The following DMXL2 variants were observed in gnomAD, a reference collection of about 807,000 sequenced individuals.
DMXL2 encodes Dmx like 2.
DMXL2 carries 103 observed loss-of-function variants against 331.1 expected under a neutral mutation model. The ratio of observed to expected loss-of-function variants is 0.31; its 90% CI spans 0.27 to 0.37. DMXL2 has a LOEUF of 0.37. Among genes scored for constraint, DMXL2 ranks in the 10% least tolerant of loss-of-function variants. The pLI, the probability that DMXL2 is intolerant of heterozygous loss-of-function variation, is 1.00. For synonymous variants in DMXL2, 1,281 were observed against 1,252.1 expected (o/e 1.02, Z -0.49); for missense variants, 3,171 against 3,642.9 (o/e 0.87, Z 3.33).
chr15:51,450,438 T>C (rs1375504228), intron 42 of DMXL2, 92 bp from the exon 43 acceptor site: 1 of 1,172,668 alleles, frequency 8.5e-7, no homozygotes, highest in East Asian at 2.4e-5. Context: ...CAGACCTTAC[T>C]GATGCATTTT....
At chr15:51,594,376 A>G (rs1015731194) in intron 1 of DMXL2, among the ~76,000 whole-genome samples, 1 of 152,226 alleles carries the variant, frequency 6.6e-6, no homozygotes, top group Non-Finnish European at 1.5e-5. Context: ...AAGAAGTTGA[A>G]TCTCTGAACA....
In DMXL2 at chr15:51,555,215, G is replaced by A. The variant is rs143898336; in HGVS notation, c.568-7807C>T. ...TGGTTTGAACATAGATTGTACAGAA[G>A]TGCAGCAAAAATTGGGAAACCAATT... On this transcript the variant is annotated intron_variant, in intron 6 of 43. Coordinates refer to ENST00000560891, the MANE Select transcript of DMXL2 (RefSeq NM_001378457.1). 2.5e-3 allele frequency among the ~76,000 whole-genome samples: 386 copies of A among 152,260 alleles called. 2 individuals are homozygous for A. The highest frequency in any genetic ancestry group is 0.017 in the Middle Eastern group (5 of 294).
chr15:51,485,034 C>CAAAA (rs35332731), intron 23 of DMXL2, among the ~76,000 whole-genome samples: 1 of 99,780 alleles, frequency 1.0e-5, no homozygotes, highest in Non-Finnish European at 2.0e-5. Flanking sequence ...TCAGGCAAAC[C>CAAAA]AAAAAAAAAA....
chr15:51,529,909 A>T (rs1444234054), intron 13 of DMXL2, among the ~76,000 whole-genome samples: 2 of 152,188 alleles, frequency 1.3e-5, no homozygotes, highest in Non-Finnish European at 2.9e-5. Context: ...TTAAAAGATC[A>T]TTTATCATAA....
At position 51,530,131 on chromosome 15, in the gene DMXL2, A is replaced by G. The variant is rs563576722; in HGVS notation, c.2436+5532T>C. Among the ~76,000 whole-genome samples, 3 of 152,290 alleles carry G rather than the reference A, an allele frequency of 2.0e-5. No homozygotes were observed. In the South Asian group the frequency reaches 6.2e-4, roughly 32 times the overall value. On this transcript the variant is annotated intron_variant, in intron 13 of 43. Coordinates refer to ENST00000560891, the MANE Select transcript of DMXL2 (RefSeq NM_001378457.1). The stretch of plus-strand genomic sequence containing the variant: ...CTTCTATACCCTAGTATCATGCCGA[A>G]TGGGGAAAAACTGAAAGCCTTTCCT...
rs529034613 is a variant in DMXL2, at chr15:51,551,595, C to T, written c.568-4187G>A. On this transcript the variant is annotated intron_variant, in intron 6 of 43. Coordinates refer to ENST00000560891, the MANE Select transcript of DMXL2 (RefSeq NM_001378457.1). ...CTAAGCAAACTCAAGGGCTTTCCAA[C>T]CATTCTCAGGCTTAAAAACAAAATC... 1.7e-3 allele frequency among the ~76,000 whole-genome samples: 260 copies of T among 150,756 alleles called. 2 individuals are homozygous for T. Among genetic ancestry groups the T allele is most frequent in the Non-Finnish European group, 2.9e-3 (195 of 68,008 alleles).
At chr15:51,459,501 G>C (rs1306711104) in intron 34 of DMXL2, 97 bp downstream of exon 34, 4 of 1,017,210 alleles carry the variant, frequency 3.9e-6, no homozygotes, top group African/African-American at 3.3e-5. Context: ...TCTCTGAGTA[G>C]TTAGCCAGTT....
intron 28 of DMXL2, among the ~76,000 whole-genome samples, chr15:51,472,557 A>C (rs1051138142): frequency 2.0e-5 from 3 of 152,074 alleles, no homozygotes. Flanking sequence ...CATGGCAACC[A>C]CAGTCTACTT....
At chr15:51,593,213 G>C (rs2141255715) in intron 1 of DMXL2, among the ~76,000 whole-genome samples, 1 of 152,300 alleles carries the variant, frequency 6.6e-6, no homozygotes, top group South Asian at 2.1e-4. Flanking sequence ...CAAAGGGATG[G>C]AGGAAGATCT....
At position 51,498,747 on chromosome 15, in the gene DMXL2, A is replaced by T; in HGVS notation, c.4477T>A (p.Ser1493Thr). The T allele has an allele frequency of 6.2e-7, 1 of 1,614,068 alleles. No individual in the cohort carries two copies. Among genetic ancestry groups the T allele is most frequent in the South Asian group, 1.1e-5 (1 of 91,084 alleles). ...TATTGAGAAAGATTTATTACTTTTGATTTGTTTTCTCTCTTTTCAGGCTCT... is the reference window on the plus strand; with the variant it reads ...TATTGAGAAAGATTTATTACTTTTGTTTTGTTTTCTCTCTTTTCAGGCTCT... ...DLEPEKRENK[S>T]KVINLSQYGP... The change falls in exon 18 of 44, where the codon TCA becomes ACA. Residue 1493 changes from serine (S) to threonine (T), a missense_variant. This residue lies in a region of DMXL2 where 1,674 missense variants were observed against 1,780.2 expected (regional missense o/e 0.94). Transcript: ENST00000560891.
At chr15:51,615,348 C>T (rs1473757267) in intron 1 of DMXL2, among the ~76,000 whole-genome samples, 2 of 152,182 alleles carry the variant, frequency 1.3e-5, no homozygotes, top group African/African-American at 4.8e-5. Flanking sequence ...GGAGAAACTG[C>T]TAGAATCATG....
rs372064075 is a variant in DMXL2, at chr15:51,622,687, C to A, written c.-142G>T. 72 of 1,410,236 alleles carry A rather than the reference C, an allele frequency of 5.1e-5. No homozygotes were observed. Among genetic ancestry groups the A allele is most frequent in the African/African-American group, 1.8e-4 (12 of 67,550 alleles). The allele number at this position is 1,410,236 out of a possible 1,614,324, so 87.4% of individuals were successfully genotyped here. A position where few individuals can be genotyped will look rare whatever the true frequency, so the allele number is the denominator to read the frequency against. ...AGGCTCTGGCTTAACTCCTCGCCCC[C>A]CTTTCGCCTTCCCTCCGCCTCGTCC... is the stretch of plus-strand genomic sequence containing the variant. On this transcript the variant is annotated 5_prime_UTR_variant, in exon 1 of 44. Coordinates refer to ENST00000560891, the MANE Select transcript of DMXL2 (RefSeq NM_001378457.1).
At chr15:51,508,093 C>T (rs1350177076) in intron 15 of DMXL2, among the ~76,000 whole-genome samples, 2 of 151,966 alleles carry the variant, frequency 1.3e-5, no homozygotes, top group African/African-American at 2.4e-5. Context: ...AGTCTGGCAC[C>T]GCATGTTCTC....
chr15:51,549,722 A>AT, intron 6 of DMXL2, among the ~76,000 whole-genome samples: 1 of 152,000 alleles, frequency 6.6e-6, no homozygotes, highest in Non-Finnish European at 1.5e-5. Flanking sequence ...GACGTTGAGC[A>AT]TTTTTTCATA....
rs756370559 is a variant in DMXL2, at chr15:51,499,971, C to A, written c.3253G>T (p.Ala1085Ser). ...TTATGGTGGATAGGCTGCTTATAAG[C>A]CACTGCAAGGCGACCTGTGTATGAA... ...SCSYTGRLAV[A>S]YKQPIHHNGF... is the part of the protein sequence containing the mutation. Residue 1085 changes from alanine to serine, a missense_variant, in exon 18 of 44, where the codon GCT becomes TCT. By Grantham distance (99) the Ala-to-Ser change is moderately conservative (BLOSUM62 1). Around this residue, in one of 7 missense-constraint regions of DMXL2, gnomAD observed 1,674 missense variants for 1,780.2 expected, o/e 0.94. Coordinates refer to ENST00000560891, the MANE Select transcript of DMXL2 (RefSeq NM_001378457.1). 6.2e-7 allele frequency: 1 copy of A among 1,613,852 alleles called. No individual in the cohort carries two copies. The highest frequency in any genetic ancestry group is 8.5e-7 in the Non-Finnish European group (1 of 1,179,944).
chr15:51,530,745 C>T (rs1248624263), intron 13 of DMXL2, among the ~76,000 whole-genome samples: 1 of 151,970 alleles, frequency 6.6e-6, no homozygotes, highest in Non-Finnish European at 1.5e-5. Context: ...ACAGAGACTC[C>T]GTCTCAAAAA....
intron 6 of DMXL2, among the ~76,000 whole-genome samples, chr15:51,561,159 A>C (rs1300255825): frequency 6.6e-6 from 1 of 152,234 alleles, no homozygotes; most frequent in East Asian, 1.9e-4. Flanking sequence ...ATTAGTGTAA[A>C]AGTATCCATA....
chr15:51,503,935 T>G (rs935391341), intron 16 of DMXL2, among the ~76,000 whole-genome samples: 2 of 152,200 alleles, frequency 1.3e-5, no homozygotes, highest in Non-Finnish European at 2.9e-5. Context: ...TTAAATTTTT[T>G]TTTTTACAAT....
In DMXL2 at chr15:51,494,996, G is replaced by T. The variant is rs766888886; in HGVS notation, c.4783+28C>A. 18 of 1,537,594 alleles carry T rather than the reference G, an allele frequency of 1.2e-5. 1 individual carries two copies. In the South Asian group the frequency reaches 2.0e-4, roughly 17 times the overall value. On this transcript the variant is annotated intron_variant, in intron 19 of 43. Coordinates refer to ENST00000560891, the MANE Select transcript of DMXL2 (RefSeq NM_001378457.1). ...CGCTCCAATATTAAGTAAAAGTTGT[G>T]CAAAGCTTCAAACAGTGAGTGAATT...
Sources: gnomAD v4.1 joint callset for allele counts (sites outside exome capture counted in the v4.1 genomes callset) on GRCh38, gnomAD v4.1.1 for gene constraint, gnomAD v4.1.1 regional missense constraint, MANE v1.5 for transcripts, NCBI Gene and HGNC (gene_info 2026-07-23, HGNC 2026-07-21) for gene names.